Variants in XYLT1 observed in about 807,000 individuals in gnomAD.
The protein encoded by XYLT1 is xylosyltransferase 1, also known as beta-D-xylosyltransferase 1.
Under a neutral mutation model 91.3 loss-of-function variants are expected in XYLT1, and 36 were observed. The observed-to-expected ratio is 0.39, with a 90% CI of 0.30 to 0.52. XYLT1 has a LOEUF of 0.52. Among genes scored for constraint, XYLT1 ranks in the 20% least tolerant of loss-of-function variants. The pLI is 0.68. For missense variants in XYLT1, 1,242 were observed against 1,284.5 expected (o/e 0.97, Z 0.51); for synonymous variants, 588 against 532.0 (o/e 1.11, Z -1.45).
intron 2 of XYLT1, among the ~76,000 whole-genome samples, chr16:17,295,790 T>C (rs78934833): frequency 0.018 from 2,743 of 152,266 alleles, 80 homozygotes; most frequent in African/African-American, 0.063. Flanking sequence ...GAGATGCTGC[T>C]TAATATCCTG....
intron 5 of XYLT1, among the ~76,000 whole-genome samples, chr16:17,177,263 G>C (rs1195292699): frequency 6.6e-6 from 1 of 152,174 alleles, no homozygotes; most frequent in Admixed American, 6.5e-5. Flanking sequence ...TTACATAAAA[G>C]GAGGGGGAAC....
chr16:17,318,136 C>T (rs1186706128), intron 2 of XYLT1, among the ~76,000 whole-genome samples: 1 of 152,198 alleles, frequency 6.6e-6, no homozygotes, highest in South Asian at 2.1e-4. Flanking sequence ...TTCAGATTTC[C>T]AGATTCCCAG....
At chr16:17,243,674 C>T (rs72777776) in intron 3 of XYLT1, among the ~76,000 whole-genome samples, 5,844 of 152,294 alleles carry the variant, frequency 0.038, 185 homozygotes, top group Middle Eastern at 0.085. Flanking sequence ...CTGCTAAGCA[C>T]AGTTCTATGT....
rs1310346659 is a variant in XYLT1, at chr16:17,106,045, A to C, written c.*2650T>G. 6.6e-6 allele frequency: 1 copy of C among 152,236 alleles called. No individual in the cohort carries two copies. Among genetic ancestry groups the C allele is most frequent in the African/African-American group, 2.4e-5 (1 of 41,448 alleles). The allele number at this position is 152,236 out of a possible 1,614,324, so 9.4% of individuals were successfully genotyped here. On this transcript the variant is annotated 3_prime_UTR_variant, in exon 12 of 12. Transcript: ENST00000261381. The stretch of plus-strand genomic sequence containing the variant: ...GTGTGACTTCTCAGCTCCCCGAATT[A>C]GTTGTGGTGAGGAAGAAATGAAGCC...
chr16:17,118,460 C>T (rs1470265130), intron 10 of XYLT1, among the ~76,000 whole-genome samples: 1 of 152,188 alleles, frequency 6.6e-6, no homozygotes, highest in Non-Finnish European at 1.5e-5. Flanking sequence ...TTTACAGCTG[C>T]TCTATCATAA....
At chr16:17,325,707 T>A (rs923436623) in intron 2 of XYLT1, among the ~76,000 whole-genome samples, 10 of 152,166 alleles carry the variant, frequency 6.6e-5, no homozygotes, top group Non-Finnish European at 1.0e-4. Flanking sequence ...GGGGAAAAAA[T>A]TCCATTCAAA....
intron 1 of XYLT1, chr16:17,445,923 G>A (rs2036585540): frequency 6.6e-6 from 1 of 152,216 alleles, no homozygotes; most frequent in Admixed American, 6.5e-5. Context: ...GGAGGCACCA[G>A]GCCTTGTGGT....
chr16:17,294,061 C>T (rs1041136056), intron 2 of XYLT1, among the ~76,000 whole-genome samples: 1 of 152,118 alleles, frequency 6.6e-6, no homozygotes, highest in Non-Finnish European at 1.5e-5. Context: ...ATAAGGTGTT[C>T]CTGAGGCATT....
At chr16:17,381,102 G>C (rs1182491444) in intron 1 of XYLT1, among the ~76,000 whole-genome samples, 1 of 152,068 alleles carries the variant, frequency 6.6e-6, no homozygotes, top group East Asian at 1.9e-4. Context: ...AATCGCTAAT[G>C]TTTGAAACTC....
chr16:17,368,766 T>C (rs971664425), intron 1 of XYLT1, among the ~76,000 whole-genome samples: 1 of 152,022 alleles, frequency 6.6e-6, no homozygotes, highest in African/African-American at 2.4e-5. Context: ...TCATTTTTTG[T>C]AGAGATGGGG....
chr16:17,387,414 A>T lies in XYLT1; in HGVS notation c.364-29364T>A, dbSNP rs535750878. 4.7e-4 allele frequency among the ~76,000 whole-genome samples: 71 copies of T among 152,228 alleles called. 2 individuals are homozygous for T. In the South Asian group the frequency reaches 0.013, roughly 29 times the overall value. ...ATATTCGCCACCCCCCACCTCCCTC[A>T]GCAGGGAAGCACTAGTGATTAATTA... On this transcript the variant is annotated intron_variant, in intron 1 of 11. Transcript: ENST00000261381.
intron 1 of XYLT1, among the ~76,000 whole-genome samples, chr16:17,443,088 G>A (rs553766682): frequency 2.6e-5 from 4 of 152,028 alleles, no homozygotes; most frequent in Non-Finnish European, 5.9e-5. Context: ...TCAGGCAAGG[G>A]TCTTAAATGC....
intron 9 of XYLT1, among the ~76,000 whole-genome samples, chr16:17,131,452 C>T (rs756636481): frequency 6.6e-6 from 1 of 152,236 alleles, no homozygotes; most frequent in Non-Finnish European, 1.5e-5. Flanking sequence ...ACTCCATCTG[C>T]ATTCCCACGG....
intron 1 of XYLT1, among the ~76,000 whole-genome samples, chr16:17,452,649 T>C (rs1431593469): frequency 2.0e-5 from 3 of 152,228 alleles, no homozygotes; most frequent in Non-Finnish European, 4.4e-5. Context: ...TAAGAATTAC[T>C]TAGAAGAGTT....
chr16:17,192,701 T>C (rs2141581244), intron 5 of XYLT1, among the ~76,000 whole-genome samples: 1 of 152,036 alleles, frequency 6.6e-6, no homozygotes, highest in East Asian at 1.9e-4. Flanking sequence ...CTAAACACTC[T>C]CAGCTTGCGT....
intron 2 of XYLT1, among the ~76,000 whole-genome samples, chr16:17,332,462 T>A (rs2034911845): frequency 6.6e-6 from 1 of 151,942 alleles, no homozygotes; most frequent in African/African-American, 2.4e-5. Flanking sequence ...CTCGGGAGGC[T>A]GAGGCAGAAG....
Position 17,278,111 on chromosome 16 carries a change from C to T in XYLT1, c.403-18613G>A, listed in dbSNP as rs1367839127. Among the ~76,000 whole-genome samples the T allele has an allele frequency of 2.6e-5, 4 of 152,172 alleles. No individual in the cohort carries two copies. The South Asian group carries it at 8.3e-4, about 32-fold the overall frequency. Reference sequence around the variant, plus strand: ...TAGACAGTTTGCTACTGGAGAAGTTCCTTATTCAAGGGGCTGAGCAGTAGT... The same window carrying T: ...TAGACAGTTTGCTACTGGAGAAGTTTCTTATTCAAGGGGCTGAGCAGTAGT... On this transcript the variant is annotated intron_variant, in intron 2 of 11. Transcript: ENST00000261381.
intron 1 of XYLT1, among the ~76,000 whole-genome samples, chr16:17,436,137 T>A (rs970224503): frequency 6.6e-6 from 1 of 152,212 alleles, no homozygotes; most frequent in African/African-American, 2.4e-5. Flanking sequence ...AAGACATGAC[T>A]TTGCTCCTCG....
intron 1 of XYLT1, among the ~76,000 whole-genome samples, chr16:17,400,810 G>A (rs192443815): frequency 3.3e-4 from 50 of 152,224 alleles, no homozygotes; most frequent in African/African-American, 1.1e-3. Context: ...CCAGCCGGAG[G>A]AGGGGACACC....
Sources: gnomAD v4.1 joint callset for allele counts (sites outside exome capture counted in the v4.1 genomes callset) on GRCh38, gnomAD v4.1.1 for gene constraint, MANE v1.5 for transcripts, NCBI Gene and HGNC (gene_info 2026-07-23, HGNC 2026-07-21) for gene names.